The following GPC1 variants were observed in gnomAD, a reference collection of about 807,000 sequenced individuals.
GPC1 encodes the protein glypican 1.
GPC1 carries 26 observed loss-of-function variants against 51.5 expected under a neutral mutation model. That is an observed-to-expected ratio of 0.50 (90% confidence interval 0.37 to 0.70). The LOEUF (loss-of-function observed/expected upper bound fraction) is 0.70, where lower values mean the gene tolerates loss of function less well. GPC1 is among the 30% of genes least tolerant of loss of function. The pLI, the probability that GPC1 is intolerant of heterozygous loss-of-function variation, is 0.00. For synonymous variants in GPC1, 380 were observed against 348.3 expected (o/e 1.09, Z -1.01); for missense variants, 775 against 800.5 (o/e 0.97, Z 0.38).
chr2:240,454,531 G>A (rs2074137882), intron 1 of GPC1, among the ~76,000 whole-genome samples: 1 of 152,272 alleles, frequency 6.6e-6, no homozygotes, highest in African/African-American at 2.4e-5. Flanking sequence ...GCAGAGCTGA[G>A]TAGAGGGCAG....
chr2:240,449,837 G>T, intron 1 of GPC1: 1 of 470,158 alleles, frequency 2.1e-6, no homozygotes. Context: ...CTTTCACTCA[G>T]CGTCGTCCTC....
chr2:240,449,684 C>T (rs866624116), intron 1 of GPC1: 2 of 364,648 alleles, frequency 5.5e-6, no homozygotes, highest in South Asian at 4.2e-5. Context: ...AACTGAAACT[C>T]TGTCCCCATT....
At chr2:240,440,362 G>A (rs1166359856) in intron 1 of GPC1, among the ~76,000 whole-genome samples, 3 of 152,204 alleles carry the variant, frequency 2.0e-5, no homozygotes, top group Non-Finnish European at 4.4e-5. Context: ...CTGGTGAAGC[G>A]CTCCTCTTAG....
In GPC1 at chr2:240,441,194, C is replaced by A. The variant is rs199546941; in HGVS notation, c.166+5110C>A. On this transcript the variant is annotated intron_variant, in intron 1 of 8. Coordinates refer to ENST00000264039, the MANE Select transcript of GPC1 (RefSeq NM_002081.3). ...GGGCATACCTACCTGGTGGCCGAAC[C>A]GCAGGGCTGCACATCAGACCTCGGA... 4.6e-5 allele frequency among the ~76,000 whole-genome samples: 7 copies of A among 152,388 alleles called. No individual in the cohort carries two copies. The East Asian group carries it at 1.3e-3, about 29-fold the overall frequency.
intron 1 of GPC1, chr2:240,455,988 C>T (rs1011675207): frequency 6.6e-5 from 28 of 426,954 alleles, no homozygotes; most frequent in Non-Finnish European, 1.0e-4. Context: ...TCCAGCCTGC[C>T]GGGGGCTCCC....
chr2:240,455,361 G>A (rs535987310), intron 1 of GPC1, among the ~76,000 whole-genome samples: 8 of 152,344 alleles, frequency 5.3e-5, no homozygotes, highest in African/African-American at 1.9e-4. Context: ...AGGGAAGAGA[G>A]GGTCCAGTCC....
At position 240,435,706 on chromosome 2, in the gene GPC1, G is replaced by A. The variant is rs1230341204; in HGVS notation, c.-213G>A. The A allele has an allele frequency of 1.9e-5, 4 of 213,688 alleles. No homozygotes were observed. The highest frequency in any genetic ancestry group is 1.1e-4 in the East Asian group (1 of 9,006). 13.2% of individuals were successfully genotyped at this position (213,688 alleles called of 1,614,324 possible). A position where few individuals can be genotyped will look rare whatever the true frequency, so the allele number is the denominator to read the frequency against. ...TAGCCCGCCGCGCTCTGGGCTGCCCGAGCGAGCGTTCGGACCTCGCACCCC... is the reference window on the plus strand; with the variant it reads ...TAGCCCGCCGCGCTCTGGGCTGCCCAAGCGAGCGTTCGGACCTCGCACCCC... On this transcript the variant is annotated 5_prime_UTR_variant, in exon 1 of 9. Coordinates refer to ENST00000264039, the MANE Select transcript of GPC1 (RefSeq NM_002081.3).
rs997782013 is a variant in GPC1 at position 240,466,308 on chromosome 2, G to A, written c.*18G>A. On this transcript the variant is annotated 3_prime_UTR_variant, in exon 9 of 9. Coordinates refer to ENST00000264039, the MANE Select transcript of GPC1 (RefSeq NM_002081.3). ...GGCGGTAACTGCCCCAAGGCCCCAG[G>A]GACAGAGGCCAAGGACTGACTTTGC... The A allele has an allele frequency of 7.3e-7, 1 of 1,363,766 alleles. No individual in the cohort carries two copies. The highest frequency in any genetic ancestry group is 2.3e-5 in the East Asian group (1 of 43,644). 84.5% of individuals were successfully genotyped at this position (1,363,766 alleles called of 1,614,324 possible).
chr2:240,452,763 G>C (rs2074112021), intron 1 of GPC1: 1 of 149,398 alleles, frequency 6.7e-6, no homozygotes, highest in Non-Finnish European at 1.5e-5. Flanking sequence ...GGCGGGGGCT[G>C]CGGGAGGACG....
rs911853781 is a variant in GPC1 at position 240,465,962 on chromosome 2, G to C, written c.1445-96G>C. On this transcript the variant is annotated intron_variant, in intron 8 of 8. Transcript: ENST00000264039. ...CTGGTCCTGGGATTCCACACCGAAA[G>C]GATGTTGGGGTCACCTGGCACGGGC... 7 of 694,536 alleles carry C rather than the reference G, an allele frequency of 1.0e-5. No homozygotes were observed. The African/African-American group carries it at 1.5e-4, about 14-fold the overall frequency. The allele number at this position is 694,536 out of a possible 1,614,324, so 43.0% of individuals were successfully genotyped here. A position where few individuals can be genotyped will look rare whatever the true frequency, so the allele number is the denominator to read the frequency against.
intron 1 of GPC1, chr2:240,456,041 C>T: frequency 2.4e-6 from 1 of 419,660 alleles, no homozygotes; most frequent in Non-Finnish European, 4.8e-6. Context: ...CACTCCCGTG[C>T]TTGTCCGAGG....
At position 240,462,480 on chromosome 2, in the gene GPC1, C is replaced by T. The variant is rs566968035; in HGVS notation, c.615C>T (p.Ala205=). The T allele has an allele frequency of 2.5e-6, 4 of 1,601,250 alleles. No individual in the cohort carries two copies. Among genetic ancestry groups the T allele is most frequent in the Non-Finnish European group, 2.6e-6 (3 of 1,175,352 alleles). The change falls in exon 3 of 9, where the codon GCC becomes GCT. Residue 205 remains alanine, a synonymous_variant. Transcript: ENST00000264039. The stretch of plus-strand genomic sequence containing the variant: ...AGGCGCTGCGGCCCTTCGGGGAGGC[C>T]CCGAGAGAGCTGCGCCTGCGGGCCA... ...QAEALRPFGE[A]PRELRLRATR... is the part of the protein sequence containing the mutation.
intron 1 of GPC1, among the ~76,000 whole-genome samples, chr2:240,456,391 C>T (rs2074164096): frequency 6.6e-6 from 1 of 152,124 alleles, no homozygotes. Flanking sequence ...GGACGCCACC[C>T]ACCCTCCTCC....
At chr2:240,458,777 A>G (rs894254905) in intron 1 of GPC1, 12 of 465,494 alleles carry the variant, frequency 2.6e-5, no homozygotes, top group African/African-American at 2.0e-4. Flanking sequence ...GACTTGCCCA[A>G]GGGGCCTCCT....
chr2:240,457,568 GGTAGGGCACTGCCTGCGC>G, intron 1 of GPC1: 1 of 439,628 alleles, frequency 2.3e-6, no homozygotes, highest in Non-Finnish European at 4.9e-6. Context: ...GCAGTAAGCG[GGTAGGGCACTGCCTGCGC>G]TGCTCCAGGC....
chr2:240,441,338 C>T (rs1252498096), intron 1 of GPC1, among the ~76,000 whole-genome samples: 1 of 152,264 alleles, frequency 6.6e-6, no homozygotes, highest in East Asian at 1.9e-4. Context: ...AGGGGCTCAC[C>T]CGAAGCCACA....
At chr2:240,439,814 G>A (rs1384743874) in intron 1 of GPC1, among the ~76,000 whole-genome samples, 1 of 152,232 alleles carries the variant, frequency 6.6e-6, no homozygotes, top group Non-Finnish European at 1.5e-5. Context: ...GTTCCCAGGT[G>A]GTCCTCAGCC....
At position 240,462,345 on chromosome 2, in the gene GPC1, GGAGACGCTGGCC is replaced by G; in HGVS notation, c.484_495del (p.Thr162_Glu165del). The G allele has an allele frequency of 6.3e-7, 1 of 1,599,940 alleles. No homozygotes were observed. Reference sequence around the variant, plus strand: ...ACCGCGGTGCCAACCTGCACCTGGAGGAGACGCTGGCCGAGTTCTGGGCCCGCCTGCTCGAGC... The same window carrying G: ...ACCGCGGTGCCAACCTGCACCTGGAGGAGTTCTGGGCCCGCCTGCTCGAGC... On this transcript the variant is annotated inframe_deletion, in exon 3 of 9. Transcript: ENST00000264039.
intron 1 of GPC1, among the ~76,000 whole-genome samples, chr2:240,456,384 C>A (rs374027149): frequency 6.6e-6 from 1 of 152,100 alleles, no homozygotes; most frequent in East Asian, 1.9e-4. Flanking sequence ...CGGCGGGGGA[C>A]GCCACCCACC....
Sources: gnomAD v4.1 joint callset for allele counts (sites outside exome capture counted in the v4.1 genomes callset) on GRCh38, gnomAD v4.1.1 for gene constraint, MANE v1.5 for transcripts, NCBI Gene and HGNC (gene_info 2026-07-23, HGNC 2026-07-21) for gene names.